The following IL2RA variants were observed in gnomAD, a reference collection of about 807,000 sequenced individuals.
The protein encoded by IL2RA is interleukin 2 receptor subunit alpha.
In IL2RA, 24 loss-of-function variants were observed where a neutral mutation model predicts 37.8. The ratio of observed to expected loss-of-function variants is 0.63; its 90% CI spans 0.46 to 0.89. The LOEUF is 0.89. Among genes scored for constraint, IL2RA ranks in the 40% least tolerant of loss-of-function variants. The probability of loss-of-function intolerance (pLI) is 0.00; values close to 1 mark genes in which losing one functional copy is unlikely to be tolerated. For missense variants in IL2RA, 319 were observed against 348.6 expected (o/e 0.92, Z 0.68); for synonymous variants, 125 against 114.6 (o/e 1.09, Z -0.58).
rs1564556531 is a variant in IL2RA at position 6,062,349 on chromosome 10, C to T, written c.-198G>A. The T allele has an allele frequency of 2.4e-6, 1 of 419,426 alleles. No individual in the cohort carries two copies. The highest frequency in any genetic ancestry group is 2.5e-5 in the South Asian group (1 of 40,220). 26.0% of individuals were successfully genotyped at this position (419,426 alleles called of 1,614,324 possible). On this transcript the variant is annotated 5_prime_UTR_variant, in exon 1 of 8. Transcript: ENST00000379959. The stretch of plus-strand genomic sequence containing the variant: ...TTGCTCTCTTTAAGTATTGGGCTGG[C>T]GTGTTCAGCCAGGAAACTGCCTAGC...
In IL2RA at chr10:6,021,872, A is replaced by G. The variant is rs562865947; in HGVS notation, c.368-179T>C. 5.9e-5 allele frequency among the ~76,000 whole-genome samples: 9 copies of G among 152,320 alleles called. No homozygotes were observed. The East Asian group carries it at 1.7e-3, about 29-fold the overall frequency. On this transcript the variant is annotated intron_variant, in intron 3 of 7. Transcript: ENST00000379959. The surrounding 1 kb of genome is among the most constrained non-coding windows in gnomAD (Gnocchi z 4.9). The stretch of plus-strand genomic sequence containing the variant: ...CGTGGGGAAGTTTGCTAGGCCCTGT[A>G]GGAAGGCACGAAGACCCTGTCACTC...
intron 1 of IL2RA, among the ~76,000 whole-genome samples, chr10:6,055,152 T>C (rs1840024438): frequency 6.6e-6 from 1 of 152,236 alleles, no homozygotes; most frequent in South Asian, 2.1e-4. Flanking sequence ...CGGTAACCCC[T>C]GACCTCCCGA....
chr10:6,045,386 G>A (rs897678788), intron 1 of IL2RA, among the ~76,000 whole-genome samples: 2 of 152,072 alleles, frequency 1.3e-5, no homozygotes, highest in Non-Finnish European at 2.9e-5. Context: ...AAAGAAGCAG[G>A]AAACCAAAAA....
chr10:6,023,159 G>A (rs1839416165), intron 3 of IL2RA, among the ~76,000 whole-genome samples: 1 of 152,110 alleles, frequency 6.6e-6, no homozygotes, highest in Non-Finnish European at 1.5e-5. Context: ...TCAGTAAGTT[G>A]AAGTAACCCT....
At position 6,012,574 on chromosome 10, in the gene IL2RA, G is replaced by T; in HGVS notation, c.*298C>A. ...AGTTCCATACCATTCATGCTTTAAT[G>T]AACACATATACATGAAAATAAGATG... On this transcript the variant is annotated 3_prime_UTR_variant, in exon 8 of 8. Coordinates refer to ENST00000379959, the MANE Select transcript of IL2RA (RefSeq NM_000417.3). This position sits in a 1 kb window ranked among gnomAD's most constrained non-coding sequence, Gnocchi z 4.8. 1.9e-6 allele frequency: 1 copy of T among 518,922 alleles called. No homozygotes were observed. The allele number at this position is 518,922 out of a possible 1,614,324, so 32.1% of individuals were successfully genotyped here. A position where few individuals can be genotyped will look rare whatever the true frequency, so the allele number is the denominator to read the frequency against.
intron 1 of IL2RA, among the ~76,000 whole-genome samples, chr10:6,034,112 C>T (rs151192408): frequency 3.9e-5 from 6 of 152,206 alleles, no homozygotes; most frequent in African/African-American, 9.6e-5. Context: ...CATGAGAGTG[C>T]GTTTTTCTAG....
rs568718141 is a variant in IL2RA at position 6,046,163 on chromosome 10, C to T, written c.64+15925G>A. Among the ~76,000 whole-genome samples, 3 of 152,294 alleles carry T rather than the reference C, an allele frequency of 2.0e-5. No individual in the cohort carries two copies. The highest frequency in any genetic ancestry group is 7.2e-5 in the African/African-American group (3 of 41,558). ...CTTCCTGCTCTCAAGAATTCACACT[C>T]CGTTTTACACAAGACACACATTGCA... On this transcript the variant is annotated intron_variant, in intron 1 of 7. Transcript: ENST00000379959. This position sits in a 1 kb window ranked among gnomAD's most constrained non-coding sequence, Gnocchi z 4.8.
chr10:6,042,377 CTT>C (rs1034082424), intron 1 of IL2RA, among the ~76,000 whole-genome samples: 7 of 151,760 alleles, frequency 4.6e-5, no homozygotes, highest in African/African-American at 1.7e-4. Context: ...TAAAAAGAAA[CTT>C]ATTTAACCAA....
rs540769861 is a variant in IL2RA at position 6,033,528 on chromosome 10, A to G, written c.65-7503T>C. On this transcript the variant is annotated intron_variant, in intron 1 of 7. Coordinates refer to ENST00000379959, the MANE Select transcript of IL2RA (RefSeq NM_000417.3). This position sits in a 1 kb window ranked among gnomAD's most constrained non-coding sequence, Gnocchi z 4.3. ...CATAGTAGCTTTATTAATAATAACCAACTCAATAATTCAAACATCCATCAT... is the reference window on the plus strand; with the variant it reads ...CATAGTAGCTTTATTAATAATAACCGACTCAATAATTCAAACATCCATCAT... 6.6e-6 allele frequency among the ~76,000 whole-genome samples: 1 copy of G among 152,302 alleles called. No individual in the cohort carries two copies. The highest frequency in any genetic ancestry group is 2.1e-4 in the South Asian group (1 of 4,822).
At chr10:6,027,058 A>G (rs937289668) in intron 1 of IL2RA, among the ~76,000 whole-genome samples, 3 of 152,226 alleles carry the variant, frequency 2.0e-5, no homozygotes, top group Non-Finnish European at 4.4e-5. Flanking sequence ...GCAATGGCTC[A>G]TGCCTGTAAT....
chr10:6,012,633 C>T lies in IL2RA; in HGVS notation c.*239G>A, dbSNP rs559720581. 5.9e-5 allele frequency: 35 copies of T among 596,154 alleles called. No homozygotes were observed. The highest frequency in any genetic ancestry group is 2.2e-4 in the African/African-American group (12 of 53,796). The allele number at this position is 596,154 out of a possible 1,614,324, so 36.9% of individuals were successfully genotyped here. Reference sequence around the variant, plus strand: ...TAGTGGTTTTGCCCTTCCTCTTCAACGGCGAAATTGCTATTTAGAAGTGGG... The same window carrying T: ...TAGTGGTTTTGCCCTTCCTCTTCAATGGCGAAATTGCTATTTAGAAGTGGG... On this transcript the variant is annotated 3_prime_UTR_variant, in exon 8 of 8. Transcript: ENST00000379959. This position sits in a 1 kb window ranked among gnomAD's most constrained non-coding sequence, Gnocchi z 4.8.
intron 1 of IL2RA, among the ~76,000 whole-genome samples, chr10:6,051,525 TC>T (rs1356903368): frequency 2.1e-5 from 3 of 145,474 alleles, no homozygotes; most frequent in Admixed American, 6.8e-5. Flanking sequence ...ATATTTTTTT[TC>T]TTTTTTTTTT....
chr10:6,049,339 A>T (rs767561101), intron 1 of IL2RA, among the ~76,000 whole-genome samples: 7 of 152,168 alleles, frequency 4.6e-5, no homozygotes, highest in Non-Finnish European at 1.0e-4. Context: ...TCCCCACCAC[A>T]CTGGTGAGGG....
chr10:6,016,411 A>G (rs941550679), intron 7 of IL2RA, among the ~76,000 whole-genome samples: 3 of 152,332 alleles, frequency 2.0e-5, no homozygotes, highest in Non-Finnish European at 4.4e-5. Context: ...ACCCAGTCTC[A>G]GGCATTCTGT....
chr10:6,027,679 G>T (rs940616752), intron 1 of IL2RA, among the ~76,000 whole-genome samples: 1 of 152,130 alleles, frequency 6.6e-6, no homozygotes, highest in Admixed American at 6.5e-5. Flanking sequence ...GAAAATAACA[G>T]GTATGGAATA....
At chr10:6,045,355 T>C (rs1465078942) in intron 1 of IL2RA, among the ~76,000 whole-genome samples, 2 of 152,180 alleles carry the variant, frequency 1.3e-5, no homozygotes. Context: ...CTAGTTATTT[T>C]GTCTTTACTT....
rs59002005 is a variant in IL2RA, at chr10:6,020,931, ATGTGTG to A, written c.583+541_583+546del. On this transcript the variant is annotated intron_variant, in intron 4 of 7. Transcript: ENST00000379959. This position sits in a 1 kb window ranked among gnomAD's most constrained non-coding sequence, Gnocchi z 5.6. ...CGGTGGGCTGAGCATTTGCATGAGT[ATGTGTG>A]TGTGTGTGTGTGTGTGCGCGCATGT... 2.0e-5 allele frequency among the ~76,000 whole-genome samples: 3 copies of A among 150,018 alleles called. No homozygotes were observed. In the South Asian group the frequency reaches 6.4e-4, roughly 32 times the overall value.
rs368775485 is a variant in IL2RA at position 6,053,822 on chromosome 10, A to T, written c.64+8266T>A. ...AGCTTCCTTTTTATTCTTTTGAAACATTGCTCTTTCTTCTTCTTTTGGGTA... is the reference window on the plus strand; with the variant it reads ...AGCTTCCTTTTTATTCTTTTGAAACTTTGCTCTTTCTTCTTCTTTTGGGTA... On this transcript the variant is annotated intron_variant, in intron 1 of 7. Coordinates refer to ENST00000379959, the MANE Select transcript of IL2RA (RefSeq NM_000417.3). Among the ~76,000 whole-genome samples, 12 of 152,130 alleles carry T rather than the reference A, an allele frequency of 7.9e-5. No homozygotes were observed. In the East Asian group the frequency reaches 2.1e-3, roughly 27 times the overall value.
At position 6,012,805 on chromosome 10, in the gene IL2RA, T is replaced by C. The variant is rs1311349488; in HGVS notation, c.*67A>G. ...GACCATTTAGCACCTTTGATTTCAC[T>C]TGGGCTTCATGACTTCTGTTGTCTG... On this transcript the variant is annotated 3_prime_UTR_variant, in exon 8 of 8. Coordinates refer to ENST00000379959, the MANE Select transcript of IL2RA (RefSeq NM_000417.3). The surrounding 1 kb of genome is among the most constrained non-coding windows in gnomAD (Gnocchi z 4.8). The C allele has an allele frequency of 4.6e-6, 7 of 1,522,330 alleles. No individual in the cohort carries two copies. The highest frequency in any genetic ancestry group is 1.7e-5 in the Admixed American group (1 of 59,888). 94.3% of individuals were successfully genotyped at this position (1,522,330 alleles called of 1,614,324 possible).
Sources: gnomAD v4.1 joint callset for allele counts (sites outside exome capture counted in the v4.1 genomes callset) on GRCh38, gnomAD v4.1.1 for gene constraint, Gnocchi (gnomAD v3.1) non-coding constraint, MANE v1.5 for transcripts, NCBI Gene and HGNC (gene_info 2026-07-23, HGNC 2026-07-21) for gene names.